SLC19A3: variants seen among roughly 807,000 people sequenced by gnomAD.
SLC19A3 encodes the protein solute carrier family 19 member 3.
Under a neutral mutation model 40.2 loss-of-function variants are expected in SLC19A3, and 31 were observed. The observed-to-expected ratio is 0.77, with a 90% CI of 0.58 to 1.04. SLC19A3 has a LOEUF of 1.04. Among genes scored for constraint, SLC19A3 ranks in the 50% least tolerant of loss-of-function variants. The probability of loss-of-function intolerance (pLI) is 0.00; values close to 1 mark genes in which losing one functional copy is unlikely to be tolerated. For missense variants in SLC19A3, 592 were observed against 596.7 expected (o/e 0.99, Z 0.08); for synonymous variants, 212 against 227.5 (o/e 0.93, Z 0.61).
At chr2:227,687,836 AAAAAC>A (rs1159034310) in intron 5 of SLC19A3, among the ~76,000 whole-genome samples, 1 of 152,162 alleles carries the variant, frequency 6.6e-6, no homozygotes, top group Non-Finnish European at 1.5e-5. Context: ...ATCAATAGTA[AAAAAC>A]AAAACAAAAC....
intron 1 of SLC19A3, among the ~76,000 whole-genome samples, chr2:227,704,029 A>T (rs1695826521): frequency 6.6e-6 from 1 of 152,244 alleles, no homozygotes; most frequent in Non-Finnish European, 1.5e-5. Context: ...CAAGCCCAGG[A>T]GGGCAGGGCG....
chr2:227,695,649 T>G, intron 4 of SLC19A3: 1 of 522,030 alleles, frequency 1.9e-6, no homozygotes. Context: ...AATGTATCAC[T>G]GCTTTTGGTC....
chr2:227,693,794 A>G (rs1179356842), intron 4 of SLC19A3, among the ~76,000 whole-genome samples: 1 of 152,166 alleles, frequency 6.6e-6, no homozygotes, highest in African/African-American at 2.4e-5. Context: ...CACCCACAGA[A>G]TGGAAAAACA....
intron 1 of SLC19A3, among the ~76,000 whole-genome samples, chr2:227,714,235 C>T (rs533532512): frequency 4.6e-5 from 7 of 152,232 alleles, no homozygotes; most frequent in Non-Finnish European, 7.4e-5. Context: ...AATTTAAAGT[C>T]CACATCAGGG....
At chr2:227,691,377 C>T (rs1463854958) in intron 4 of SLC19A3, among the ~76,000 whole-genome samples, 1 of 152,174 alleles carries the variant, frequency 6.6e-6, no homozygotes, top group Non-Finnish European at 1.5e-5. Context: ...GAGGCTGAGG[C>T]AGATGAATCA....
intron 1 of SLC19A3, among the ~76,000 whole-genome samples, chr2:227,716,062 T>C (rs1423699887): frequency 6.6e-6 from 1 of 151,856 alleles, no homozygotes; most frequent in Non-Finnish European, 1.5e-5. Flanking sequence ...TCTGATTAAA[T>C]GCACTGAGAG....
At chr2:227,690,880 T>C (rs1025910391) in intron 4 of SLC19A3, among the ~76,000 whole-genome samples, 10 of 151,870 alleles carry the variant, frequency 6.6e-5, no homozygotes, top group Non-Finnish European at 1.2e-4. Context: ...AGAAAATCAA[T>C]AAAGAAACAT....
At chr2:227,711,103 G>A (rs536217930) in intron 1 of SLC19A3, among the ~76,000 whole-genome samples, 9 of 152,304 alleles carry the variant, frequency 5.9e-5, no homozygotes, top group Non-Finnish European at 1.3e-4. Flanking sequence ...CTTAACCACC[G>A]TCGTTCTGCT....
At chr2:227,699,710 A>C in intron 2 of SLC19A3, 146 bp from the exon 3 acceptor site, 1 of 783,386 alleles carries the variant, frequency 1.3e-6, no homozygotes, top group Non-Finnish European at 2.2e-6. Flanking sequence ...AGGAAATCAC[A>C]AGAAAAGATA....
chr2:227,709,489 C>G (rs72961097), intron 1 of SLC19A3, among the ~76,000 whole-genome samples: 5 of 151,912 alleles, frequency 3.3e-5, no homozygotes, highest in Non-Finnish European at 5.9e-5. Context: ...GTCCCAAAAA[C>G]AACAACAACA....
At chr2:227,715,364 T>C (rs961098616) in intron 1 of SLC19A3, among the ~76,000 whole-genome samples, 8 of 152,130 alleles carry the variant, frequency 5.3e-5, no homozygotes, top group African/African-American at 1.9e-4. Flanking sequence ...TGTTTGTTTT[T>C]GTAAGAGCAG....
intron 1 of SLC19A3, 188 bp from the exon 2 acceptor site, chr2:227,702,508 C>T: frequency 1.7e-6 from 1 of 581,376 alleles, no homozygotes; most frequent in Non-Finnish European, 3.0e-6. Flanking sequence ...ATTCTCCTGC[C>T]TCAGCCTCCC....
intron 1 of SLC19A3, among the ~76,000 whole-genome samples, chr2:227,715,330 G>C (rs982124948): frequency 6.6e-6 from 1 of 152,058 alleles, no homozygotes; most frequent in African/African-American, 2.4e-5. Flanking sequence ...CAGATATTCA[G>C]TATGTGGGCC....
chr2:227,698,322 G>A (rs916047386), intron 3 of SLC19A3, among the ~76,000 whole-genome samples: 1 of 151,526 alleles, frequency 6.6e-6, no homozygotes, highest in East Asian at 2.0e-4. Context: ...CACCATGACC[G>A]GCTAATTTCT....
chr2:227,694,469 T>G (rs1450533754), intron 4 of SLC19A3, among the ~76,000 whole-genome samples: 2 of 152,240 alleles, frequency 1.3e-5, no homozygotes, highest in Non-Finnish European at 2.9e-5. Context: ...TGATGATTTT[T>G]TCCCAGAGTG....
intron 1 of SLC19A3, among the ~76,000 whole-genome samples, chr2:227,709,281 A>G (rs1384037450): frequency 2.0e-5 from 3 of 152,284 alleles, no homozygotes; most frequent in East Asian, 3.9e-4. Context: ...CAGGAGTTCA[A>G]GATCAGCCTG....
At chr2:227,713,611 G>C (rs568572652) in intron 1 of SLC19A3, among the ~76,000 whole-genome samples, 8 of 152,040 alleles carry the variant, frequency 5.3e-5, no homozygotes, top group Non-Finnish European at 1.2e-4. Context: ...TGTGATACCT[G>C]CGCCACCTTG....
chr2:227,714,720 AAAAGC>A, intron 1 of SLC19A3: 1 of 434,624 alleles, frequency 2.3e-6, no homozygotes, highest in Non-Finnish European at 3.1e-6. Flanking sequence ...AAAAAAAAAA[AAAAGC>A]AGACACCCAG....
rs148144444 is a variant in SLC19A3 at position 227,699,294 on chromosome 2, C to G, written c.421G>C (p.Gly141Arg). ...VSPEHYQRVS[G>R]YCRSVTLAAY... is the part of the protein sequence containing the mutation. ...GCCAGCGTGACGCTCCTGCAGTAGC[C>G]GCTCACTCTCTGGTAGTGCTCGGGG... The change falls in exon 3 of 6, where the codon GGC becomes CGC. Residue 141 changes from glycine to arginine, a missense_variant. Physicochemically the swap from Gly to Arg is moderately radical, Grantham distance 125 (BLOSUM62 -2). Transcript: ENST00000644224. 2 of 1,613,976 alleles carry G rather than the reference C, an allele frequency of 1.2e-6. No homozygotes were observed. Among genetic ancestry groups the G allele is most frequent in the Admixed American group, 1.7e-5 (1 of 59,988 alleles).
Sources: allele counts gnomAD v4.1 joint callset (sites outside exome capture counted in the v4.1 genomes callset), GRCh38; gene constraint gnomAD v4.1.1; transcripts MANE v1.5; gene names NCBI Gene and HGNC (gene_info 2026-07-23, HGNC 2026-07-21).